Variants in GSS observed in about 807,000 individuals in gnomAD.
GSS encodes glutathione synthetase.
In GSS, 34 loss-of-function variants were observed where a neutral mutation model predicts 60.4. That is an observed-to-expected ratio of 0.56 (90% CI 0.43 to 0.75). GSS has a LOEUF of 0.75. Among genes scored for constraint, GSS ranks in the 30% least tolerant of loss-of-function variants. The pLI, the probability that GSS is intolerant of heterozygous loss-of-function variation, is 0.00. For missense variants in GSS, 499 were observed against 595.1 expected (o/e 0.84, Z 1.68); for synonymous variants, 224 against 239.0 (o/e 0.94, Z 0.58).
chr20:34,941,532 T>TA (rs2081482884), intron 6 of GSS, among the ~76,000 whole-genome samples, 181 bp downstream of exon 6: 1 of 152,206 alleles, frequency 6.6e-6, no homozygotes. Context: ...AGTTAAATCA[T>TA]AGTCAGCATC....
At chr20:34,937,138 C>A in intron 6 of GSS, 115 bp from the exon 7 acceptor site, 1 of 738,850 alleles carries the variant, frequency 1.4e-6, no homozygotes, top group Non-Finnish European at 2.4e-6. Context: ...ACACCGCTTC[C>A]CTGAAAGAAC....
At chr20:34,933,323 T>C (rs906956915) in intron 9 of GSS, among the ~76,000 whole-genome samples, 1 of 152,178 alleles carries the variant, frequency 6.6e-6, no homozygotes, top group African/African-American at 2.4e-5. Flanking sequence ...GAAATTTGAG[T>C]GGGGTTCTGA....
chr20:34,946,077 T>C lies in GSS; in HGVS notation c.151A>G (p.Thr51Ala). 1 of 1,613,576 alleles carries C rather than the reference T, an allele frequency of 6.2e-7. No homozygotes were observed. Among genetic ancestry groups the C allele is most frequent in the Non-Finnish European group, 8.5e-7 (1 of 1,179,660 alleles). ...CTGGGGACCAGTGAGGGGAAGAGCG[T>C]GAATGGGGCATAGCTCACCACCTGT... is the stretch of plus-strand genomic sequence containing the variant. ...SSEVVSYAPF[T>A]LFPSLVPSAL... Residue 51 changes from threonine to alanine, a missense_variant, in exon 3 of 13, where the codon ACG becomes GCG. By Grantham distance (58) the Thr-to-Ala change is moderately conservative. Coordinates refer to ENST00000651619, the MANE Select transcript of GSS (RefSeq NM_000178.4).
At chr20:34,938,914 G>A (rs370822974) in intron 6 of GSS, among the ~76,000 whole-genome samples, 3 of 152,058 alleles carry the variant, frequency 2.0e-5, no homozygotes, top group South Asian at 2.1e-4. Flanking sequence ...AGGCAATTTC[G>A]TTCCTTGGGC....
intron 6 of GSS, among the ~76,000 whole-genome samples, chr20:34,940,307 T>G (rs1392823530): frequency 6.6e-6 from 1 of 152,238 alleles, no homozygotes; most frequent in South Asian, 2.1e-4. Context: ...AGCATTTGTC[T>G]GTCAGCAGTT....
At position 34,944,260 on chromosome 20, in the gene GSS, A is replaced by C. The variant is rs1489671002; in HGVS notation, c.276-1254T>G. On this transcript the variant is annotated intron_variant, in intron 3 of 12. Transcript: ENST00000651619. ...AGGGTTTATATGTGTATGAGAGGAG[A>C]GAGGAACAGAGAAGGCAGGGGTTGC... 3.9e-5 allele frequency among the ~76,000 whole-genome samples: 6 copies of C among 152,208 alleles called. No individual in the cohort carries two copies. In the East Asian group the frequency reaches 1.2e-3, roughly 29 times the overall value.
chr20:34,949,107 T>C (rs951245271), intron 2 of GSS, among the ~76,000 whole-genome samples: 6 of 152,186 alleles, frequency 3.9e-5, no homozygotes, highest in Non-Finnish European at 8.8e-5. Context: ...CTGTTAACAA[T>C]GCTTGCCCCT....
chr20:34,933,930 G>C (rs1035523399), intron 9 of GSS: 5 of 152,228 alleles, frequency 3.3e-5, no homozygotes, highest in African/African-American at 1.2e-4. Context: ...TGTAATCCCA[G>C]CACTTTGGGA....
intron 9 of GSS, 72 bp from the exon 10 acceptor site, chr20:34,932,205 A>G: frequency 8.8e-7 from 1 of 1,141,784 alleles, no homozygotes; most frequent in South Asian, 1.2e-5. Flanking sequence ...ACATCCATCC[A>G]TTAGGTGCCA....
In GSS at chr20:34,951,878, A is replaced by G; in HGVS notation, c.-8-18T>C. The G allele has an allele frequency of 1.2e-6, 2 of 1,613,318 alleles. No individual in the cohort carries two copies. Among genetic ancestry groups the G allele is most frequent in the Non-Finnish European group, 1.7e-6 (2 of 1,179,978 alleles). On this transcript the variant is annotated intron_variant, in intron 1 of 12. Coordinates refer to ENST00000651619, the MANE Select transcript of GSS (RefSeq NM_000178.4). ...CCCAACACCTGCAAAAGATGGAGAG[A>G]AGAGAGTTGGTAACAGATGGCCTGA... is the stretch of plus-strand genomic sequence containing the variant.
intron 2 of GSS, among the ~76,000 whole-genome samples, chr20:34,947,026 T>C (rs949212741): frequency 6.6e-6 from 1 of 152,180 alleles, no homozygotes; most frequent in African/African-American, 2.4e-5. Context: ...TAATATCAGT[T>C]TGTCATTATG....
In GSS at chr20:34,951,858, C is replaced by T. The variant is rs2081571695; in HGVS notation, c.-6G>A. 1.2e-6 allele frequency: 2 copies of T among 1,613,962 alleles called. No homozygotes were observed. The highest frequency in any genetic ancestry group is 1.1e-5 in the South Asian group (1 of 91,084). The stretch of plus-strand genomic sequence containing the variant: ...CTCCCCCAGTTGGTGGCCATCCCAA[C>T]ACCTGCAAAAGATGGAGAGAAGAGA... On this transcript the variant is annotated splice_region_variant and 5_prime_UTR_variant, in exon 2 of 13. Coordinates refer to ENST00000651619, the MANE Select transcript of GSS (RefSeq NM_000178.4).
At chr20:34,939,789 A>T (rs1257941910) in intron 6 of GSS, among the ~76,000 whole-genome samples, 1 of 151,054 alleles carries the variant, frequency 6.6e-6, no homozygotes, top group Non-Finnish European at 1.5e-5. Flanking sequence ...CTGCCTCAGC[A>T]TCCCAAGTAG....
chr20:34,931,597 G>T, intron 10 of GSS, 180 bp from the exon 11 acceptor site: 1 of 682,712 alleles, frequency 1.5e-6, no homozygotes, highest in South Asian at 1.6e-5. Context: ...TGCAGCAGCC[G>T]ATGCAATGAG....
At chr20:34,953,222 T>C (rs1469127719) in intron 1 of GSS, among the ~76,000 whole-genome samples, 1 of 152,232 alleles carries the variant, frequency 6.6e-6, no homozygotes, top group Admixed American at 6.5e-5. Context: ...AGAACATGGT[T>C]GCCCAACTCA....
At position 34,928,848 on chromosome 20, in the gene GSS, C is replaced by G; in HGVS notation, c.1405G>C (p.Asp469His). The G allele has an allele frequency of 6.2e-7, 1 of 1,613,910 alleles. No homozygotes were observed. The highest frequency in any genetic ancestry group is 2.2e-5 in the East Asian group (1 of 44,892). The change falls in exon 13 of 13, where the codon GAC becomes CAC. Residue 469 changes from aspartate to histidine, a missense_variant. By Grantham distance (81) the Asp-to-His change is moderately conservative (BLOSUM62 -1). Transcript: ENST00000651619. ...TGCCCTCACACAGGGTATGGGTTGT[C>G]CAGGACTGCCACTCCCGCTGCCACA... ...GGVAAGVAVL[D>H]NPYPV
At chr20:34,939,625 T>C (rs2081467683) in intron 6 of GSS, among the ~76,000 whole-genome samples, 1 of 152,212 alleles carries the variant, frequency 6.6e-6, no homozygotes, top group Middle Eastern at 3.4e-3. Context: ...TTAAAACTAA[T>C]ACTTGTCAAA....
intron 2 of GSS, among the ~76,000 whole-genome samples, chr20:34,948,468 C>T (rs2081540272): frequency 6.6e-6 from 1 of 152,166 alleles, no homozygotes; most frequent in South Asian, 2.1e-4. Context: ...AGTCTTCTCA[C>T]TTTTGATAGA....
At position 34,951,795 on chromosome 20, in the gene GSS, G is replaced by GT; in HGVS notation, c.57dup (p.Arg20ThrfsTer10). ...GCCAGGGCCCGGTCCACGGCCTGCC[G>GT]TGCCAGCTCCTCTAGCTGCTGTTTA... is the stretch of plus-strand genomic sequence containing the variant. On this transcript the variant is annotated frameshift_variant, in exon 2 of 13. Coordinates refer to ENST00000651619, the MANE Select transcript of GSS (RefSeq NM_000178.4). LOFTEE classifies it high-confidence loss of function. 6.2e-7 allele frequency: 1 copy of GT among 1,614,120 alleles called. No individual in the cohort carries two copies. Among genetic ancestry groups the GT allele is most frequent in the Non-Finnish European group, 8.5e-7 (1 of 1,180,000 alleles).
Sources: gnomAD v4.1 joint callset for allele counts (sites outside exome capture counted in the v4.1 genomes callset) on GRCh38, gnomAD v4.1.1 for gene constraint, MANE v1.5 for transcripts, NCBI Gene and HGNC (gene_info 2026-07-23, HGNC 2026-07-21) for gene names.